CST7: variants seen among roughly 807,000 people sequenced by gnomAD.
CST7 encodes the protein cystatin-F.
Under a neutral mutation model 13.1 loss-of-function variants are expected in CST7, and 15 were observed. The observed-to-expected ratio is 1.14, with a 90% confidence interval of 0.77 to 1.76. The LOEUF is 1.76. Among genes scored for constraint, CST7 ranks in the 40% most tolerant of loss-of-function variants. The pLI is 0.00. For synonymous variants in CST7, 75 were observed against 66.9 expected, an observed-to-expected ratio of 1.12 and a Z score of -0.59; for missense variants, 193 against 178.8, an observed-to-expected ratio of 1.08 and a Z score of -0.45.
chr20:24,949,325 G>A lies in CST7; in HGVS notation c.-181G>A. 2 of 1,519,440 alleles carry A rather than the reference G, an allele frequency of 1.3e-6. No homozygotes were observed. 94.1% of individuals were successfully genotyped at this position (1,519,440 alleles called of 1,614,324 possible). A position where few individuals can be genotyped will look rare whatever the true frequency, so the allele number is the denominator to read the frequency against. ...CAGGCACAAACCATTGCCCGGCACTGGCCCGTGCTGCCTGAGAAGGATTGG... is the reference window on the plus strand; with the variant it reads ...CAGGCACAAACCATTGCCCGGCACTAGCCCGTGCTGCCTGAGAAGGATTGG... On this transcript the variant is annotated 5_prime_UTR_variant, in exon 1 of 4. Transcript: ENST00000480798.
chr20:24,956,705 G>C (rs980341846), intron 1 of CST7, among the ~76,000 whole-genome samples: 6 of 151,982 alleles, frequency 3.9e-5, no homozygotes, highest in Admixed American at 6.5e-5. Context: ...GAGACTGAGA[G>C]CCAGGCGGGC....
rs1052867154 is a variant in CST7 at position 24,956,868 on chromosome 20, T to C, written c.71-419T>C. ...CTCACCTGTGGGACATGTTCCGCTT[T>C]TAACACTTACGTTGGAAATAACCCT... On this transcript the variant is annotated intron_variant, in intron 1 of 3. Transcript: ENST00000480798. Among the ~76,000 whole-genome samples the C allele has an allele frequency of 4.0e-5, 6 of 151,412 alleles. No individual in the cohort carries two copies. The East Asian group carries it at 1.2e-3, about 30-fold the overall frequency.
Position 24,958,970 on chromosome 20 carries a change from A to G in CST7, c.286A>G (p.Arg96Gly), listed in dbSNP as rs1327831837. The G allele has an allele frequency of 6.2e-7, 1 of 1,614,072 alleles. No individual in the cohort carries two copies. The highest frequency in any genetic ancestry group is 8.5e-7 in the Non-Finnish European group (1 of 1,179,956). Reference protein sequence around the residue: ...LKYMLEVEIGRTTCKKNQHLR... With the variant: ...LKYMLEVEIGGTTCKKNQHLR... ...ATATATGCTGGAGGTGGAAATTGGC[A>G]GAACTACCTGCAAGAAAAACCAGCA... Residue 96 changes from arginine (R) to glycine (G), a missense_variant, in exon 3 of 4, where the codon AGA (arginine) becomes GGA (glycine). Transcript: ENST00000480798.
At chr20:24,950,456 C>A (rs1166798856) in intron 1 of CST7, among the ~76,000 whole-genome samples, 1 of 152,214 alleles carries the variant, frequency 6.6e-6, no homozygotes, top group Non-Finnish European at 1.5e-5. Context: ...CCTGGTGAGT[C>A]AGGATACTGA....
chr20:24,957,013 G>GC (rs1376840131), intron 1 of CST7, among the ~76,000 whole-genome samples: 1 of 9,058 alleles, frequency 1.1e-4, no homozygotes, highest in Non-Finnish European at 2.1e-4. Context: ...GGGCAGGTGA[G>GC]GGGGGCAGGT....
At position 24,959,673 on chromosome 20, in the gene CST7, G is replaced by A. The variant is rs2087883682; in HGVS notation, c.399G>A (p.Trp133Ter). The A allele has an allele frequency of 6.2e-7, 1 of 1,613,980 alleles. No individual in the cohort carries two copies. The highest frequency in any genetic ancestry group is 1.3e-5 in the African/African-American group (1 of 74,908). The change falls in exon 4 of 4, where the codon TGG becomes TGA. Residue 133 changes from tryptophan (W) to a stop codon, truncating the protein, a stop_gained. Transcript: ENST00000480798. LOFTEE classifies it high-confidence loss of function. ...ACTCTGAAGTCTGGGTCGTGCCCTGGCTCCAGCACTTCGAGGTGCCTGTTC... is the reference window on the plus strand; with the variant it reads ...ACTCTGAAGTCTGGGTCGTGCCCTGACTCCAGCACTTCGAGGTGCCTGTTC... ...SCYSEVWVVP[W>*]LQHFEVPVLR...
chr20:24,955,921 TG>T (rs1220734760), intron 1 of CST7, among the ~76,000 whole-genome samples: 2 of 152,136 alleles, frequency 1.3e-5, no homozygotes, highest in Non-Finnish European at 1.5e-5. Flanking sequence ...TTTTTTGGGA[TG>T]GAAGGCCAGG....
At chr20:24,958,897 C>A in intron 2 of CST7, 31 bp from the exon 3 acceptor site, 1 of 1,528,690 alleles carries the variant, frequency 6.5e-7, no homozygotes, top group Non-Finnish European at 9.1e-7. Context: ...CTCCCCTGTG[C>A]CCAGTAACCC....
At position 24,957,443 on chromosome 20, in the gene CST7, C is replaced by G; in HGVS notation, c.227C>G (p.Thr76Arg). The G allele has an allele frequency of 1.2e-6, 2 of 1,613,646 alleles. No individual in the cohort carries two copies. Among genetic ancestry groups the G allele is most frequent in the Non-Finnish European group, 8.5e-7 (1 of 1,179,698 alleles). ...DMFLFKESRI[T>R]RALVQIVKGL... ...TTCTTGTTCAAGGAGTCCCGCATCA[C>G]AAGGGCCCTAGTTCAGGTAACGGTC... The change falls in exon 2 of 4, where the codon ACA becomes AGA. Residue 76 changes from threonine (T) to arginine (R), a missense_variant. Physicochemically the swap from Thr to Arg is moderately conservative, Grantham distance 71. Coordinates refer to ENST00000480798, the MANE Select transcript of CST7 (RefSeq NM_003650.4).
In CST7 at chr20:24,954,103, G is replaced by T. The variant is rs11908118; in HGVS notation, c.71-3184G>T. On this transcript the variant is annotated intron_variant, in intron 1 of 3. Coordinates refer to ENST00000480798, the MANE Select transcript of CST7 (RefSeq NM_003650.4). ...CTCTGCCTCCCCACCACTGTGGGCG[G>T]GGCCTGTCTTAGAGTCCACCCTGCA... 3.7e-3 allele frequency among the ~76,000 whole-genome samples: 569 copies of T among 152,258 alleles called. 6 individuals are homozygous for T. The highest frequency in any genetic ancestry group is 0.013 in the African/African-American group (552 of 41,542).
intron 1 of CST7, among the ~76,000 whole-genome samples, chr20:24,951,998 G>C (rs1022766257): frequency 6.6e-6 from 1 of 152,148 alleles, no homozygotes; most frequent in Non-Finnish European, 1.5e-5. Flanking sequence ...TTACTTCCCA[G>C]TAGCAGAGAG....
intron 1 of CST7, among the ~76,000 whole-genome samples, chr20:24,956,993 ACAGGTGAGGGGG>A (rs1311170776): frequency 8.5e-5 from 1 of 11,726 alleles, no homozygotes; most frequent in Admixed American, 8.6e-4. Context: ...GTCGGGGGGG[ACAGGTGAGGGGG>A]CAGGTGAGGG....
At chr20:24,950,433 G>C (rs1215155921) in intron 1 of CST7, among the ~76,000 whole-genome samples, 4 of 152,222 alleles carry the variant, frequency 2.6e-5, no homozygotes, top group Non-Finnish European at 4.4e-5. Context: ...TTCTTGGAGG[G>C]TTCTCACCTC....
chr20:24,952,051 G>A (rs987079497), intron 1 of CST7, among the ~76,000 whole-genome samples: 4 of 152,226 alleles, frequency 2.6e-5, no homozygotes, highest in African/African-American at 9.6e-5. Flanking sequence ...GGGGAGCACT[G>A]GGAGCTGCCG....
chr20:24,950,344 G>A (rs778524761), intron 1 of CST7, among the ~76,000 whole-genome samples: 55 of 152,226 alleles, frequency 3.6e-4, no homozygotes, highest in Non-Finnish European at 5.9e-4. Flanking sequence ...AAGGGGGCTG[G>A]AGCCTGGCCA....
intron 1 of CST7, among the ~76,000 whole-genome samples, chr20:24,956,429 A>G (rs973472707): frequency 2.6e-5 from 4 of 152,200 alleles, no homozygotes; most frequent in African/African-American, 9.6e-5. Flanking sequence ...GCAGGCACAA[A>G]GACGCACGTC....
Position 24,949,417 on chromosome 20 carries a change from C to A in CST7, c.-89C>A, listed in dbSNP as rs1196470586. 2 of 1,609,326 alleles carry A rather than the reference C, an allele frequency of 1.2e-6. No individual in the cohort carries two copies. Among genetic ancestry groups the A allele is most frequent in the Non-Finnish European group, 1.7e-6 (2 of 1,177,240 alleles). Reference sequence around the variant, plus strand: ...ACCCAAGAAGGCTCGGCACGGGCACCAACCACTGCCTCCAACTGCCCCATG... The same window carrying A: ...ACCCAAGAAGGCTCGGCACGGGCACAAACCACTGCCTCCAACTGCCCCATG... On this transcript the variant is annotated 5_prime_UTR_variant, in exon 1 of 4. Coordinates refer to ENST00000480798, the MANE Select transcript of CST7 (RefSeq NM_003650.4).
At chr20:24,956,736 C>T (rs1444045075) in intron 1 of CST7, among the ~76,000 whole-genome samples, 3 of 151,936 alleles carry the variant, frequency 2.0e-5, no homozygotes, top group Non-Finnish European at 2.9e-5. Context: ...GAGACGAGGA[C>T]GGCGCCATCT....
At chr20:24,959,144 C>A in intron 3 of CST7, 100 bp downstream of exon 3, 2 of 947,018 alleles carry the variant, frequency 2.1e-6, no homozygotes, top group South Asian at 1.4e-5. Context: ...TAACGCAGCG[C>A]CCCAAACCTC....
Sources: gnomAD v4.1 joint callset for allele counts (sites outside exome capture counted in the v4.1 genomes callset) on GRCh38, gnomAD v4.1.1 for gene constraint, MANE v1.5 for transcripts, NCBI Gene and HGNC (gene_info 2026-07-23, HGNC 2026-07-21) for gene names.